Variants in KIAA0319L observed in about 807,000 individuals in gnomAD.
KIAA0319L encodes KIAA0319 like.
In KIAA0319L, 55 loss-of-function variants were observed where a neutral mutation model predicts 120.1. The observed-to-expected ratio is 0.46, with a 90% CI of 0.37 to 0.57. The LOEUF (loss-of-function observed/expected upper bound fraction) is 0.57, where lower values mean the gene tolerates loss of function less well. KIAA0319L is among the 20% of genes least tolerant of loss of function. KIAA0319L has a pLI of 0.00. For missense variants in KIAA0319L, 1,049 were observed against 1,255.3 expected (o/e 0.84, Z 2.48); for synonymous variants, 398 against 471.9 (o/e 0.84, Z 2.03).
At chr1:35,505,268 T>C (rs775279194) in intron 3 of KIAA0319L, among the ~76,000 whole-genome samples, 4 of 152,208 alleles carry the variant, frequency 2.6e-5, no homozygotes, top group Non-Finnish European at 5.9e-5. Context: ...CAGCTTAGTA[T>C]AGTACCTCGC....
Position 35,437,920 on chromosome 1 carries a change from T to C in KIAA0319L, c.2963-2839A>G, listed in dbSNP as rs539815556. On this transcript the variant is annotated intron_variant, in intron 20 of 20. Coordinates refer to ENST00000325722, the MANE Select transcript of KIAA0319L (RefSeq NM_024874.5). This position sits in a 1 kb window ranked among gnomAD's most constrained non-coding sequence, Gnocchi z 4.1. ...TCTGATTCTGTCAACAGCACTATCATTCTCCATCTCTCGGTTGGAAGTCAG... is the reference window on the plus strand; with the variant it reads ...TCTGATTCTGTCAACAGCACTATCACTCTCCATCTCTCGGTTGGAAGTCAG... Among the ~76,000 whole-genome samples the C allele has an allele frequency of 5.6e-4, 86 of 152,288 alleles. No homozygotes were observed. The Middle Eastern group carries it at 0.01, about 18-fold the overall frequency.
chr1:35,472,092 A>T (rs1216460505), intron 5 of KIAA0319L, among the ~76,000 whole-genome samples: 1 of 152,246 alleles, frequency 6.6e-6, no homozygotes, highest in Non-Finnish European at 1.5e-5. Flanking sequence ...TGTAGAAAAC[A>T]GTTTGGGAAC....
intron 1 of KIAA0319L, among the ~76,000 whole-genome samples, chr1:35,555,144 T>C (rs998337377): frequency 5.9e-5 from 9 of 152,172 alleles, no homozygotes; most frequent in African/African-American, 1.9e-4. Context: ...CTCCAGAATC[T>C]AGGGGCTGGA....
chr1:35,461,882 A>G (rs1238576696), intron 8 of KIAA0319L, among the ~76,000 whole-genome samples: 1 of 152,110 alleles, frequency 6.6e-6, no homozygotes, highest in African/African-American at 2.4e-5. Flanking sequence ...TAACCTTGTT[A>G]GAGGGTCCTC....
chr1:35,520,093 TTTTTC>T (rs570402598), intron 2 of KIAA0319L, among the ~76,000 whole-genome samples: 2,544 of 151,952 alleles, frequency 0.017, 51 homozygotes, highest in African/African-American at 0.058. Context: ...CAAATCTTCT[TTTTTC>T]TTTTCTTTTC....
rs1407995303 is a variant in KIAA0319L, at chr1:35,434,991, T to C, written c.3053A>G (p.Asp1018Gly). Residue 1018 changes from aspartate (D) to glycine (G), a missense_variant, in exon 21 of 21, where the codon GAC becomes GGC. Physicochemically the swap from Asp to Gly is moderately conservative, Grantham distance 94 (BLOSUM62 -1). Transcript: ENST00000325722. ...ATGCAGGAGTTTGCCCTTCTCTCGGTCTGGCCATGTAAAGATGGCATCATC... is the reference window on the plus strand; with the variant it reads ...ATGCAGGAGTTTGCCCTTCTCTCGGCCTGGCCATGTAAAGATGGCATCATC... ...DSDDAIFTWP[D>G]REKGKLLHGQ... 6.2e-7 allele frequency: 1 copy of C among 1,614,194 alleles called. No homozygotes were observed. Among genetic ancestry groups the C allele is most frequent in the Admixed American group, 1.7e-5 (1 of 60,026 alleles).
intron 3 of KIAA0319L, among the ~76,000 whole-genome samples, chr1:35,483,217 C>T (rs910697201): frequency 2.0e-5 from 3 of 152,136 alleles, no homozygotes; most frequent in Non-Finnish European, 4.4e-5. Flanking sequence ...TTAGTGTTAG[C>T]TTTTCATTAA....
In KIAA0319L at chr1:35,467,633, G is replaced by A. The variant is rs373767951; in HGVS notation, c.1114-938C>T. ...AAATCAAGGTATCAAACTTTCTATT[G>A]TTCTTTCTTCCATTCATTTAGCATG... On this transcript the variant is annotated intron_variant, in intron 6 of 20. Coordinates refer to ENST00000325722, the MANE Select transcript of KIAA0319L (RefSeq NM_024874.5). Among the ~76,000 whole-genome samples, 205 of 151,524 alleles carry A rather than the reference G, an allele frequency of 1.4e-3. 3 individuals carry two copies. In the Middle Eastern group the frequency reaches 0.014, roughly 10 times the overall value.
intron 16 of KIAA0319L, among the ~76,000 whole-genome samples, chr1:35,447,161 A>T (rs1268880610): frequency 6.6e-6 from 1 of 151,966 alleles, no homozygotes; most frequent in Non-Finnish European, 1.5e-5. Context: ...GGACTAGTCC[A>T]GAAGCTTCCT....
chr1:35,493,422 AAAAAT>A (rs780995201), intron 3 of KIAA0319L, among the ~76,000 whole-genome samples: 152 of 152,208 alleles, frequency 1.0e-3, no homozygotes, highest in Admixed American at 3.5e-3. Context: ...GCAAAAAAAT[AAAAAT>A]AAAGATGTGC....
intron 2 of KIAA0319L, among the ~76,000 whole-genome samples, chr1:35,543,729 C>A (rs1029964187): frequency 2.0e-5 from 3 of 151,826 alleles, no homozygotes; most frequent in African/African-American, 7.3e-5. Context: ...ACAACAACAA[C>A]AAAAAAAGGC....
intron 3 of KIAA0319L, among the ~76,000 whole-genome samples, chr1:35,484,815 T>TTTTTA (rs1644321418): frequency 7.2e-6 from 1 of 139,644 alleles, no homozygotes; most frequent in South Asian, 2.2e-4. Context: ...TATTTTTTTT[T>TTTTTA]TTATTATACT....
intron 2 of KIAA0319L, among the ~76,000 whole-genome samples, chr1:35,528,363 CTCT>C (rs1381544200): frequency 1.3e-5 from 2 of 152,272 alleles, no homozygotes; most frequent in South Asian, 2.1e-4. Context: ...AGAAATTTAT[CTCT>C]TCTTTTTTCA....
intron 3 of KIAA0319L, among the ~76,000 whole-genome samples, chr1:35,495,863 CAA>C (rs200064916): frequency 5.9e-5 from 4 of 68,146 alleles, no homozygotes; most frequent in Non-Finnish European, 1.2e-4. Flanking sequence ...TAACACTCTA[CAA>C]AAAAAAAAAA....
rs1402387989 is a variant in KIAA0319L at position 35,451,764 on chromosome 1, C to T, written c.1926G>A (p.Gly642=). 2 of 1,614,004 alleles carry T rather than the reference C, an allele frequency of 1.2e-6. No homozygotes were observed. Among genetic ancestry groups the T allele is most frequent in the Non-Finnish European group, 1.7e-6 (2 of 1,179,938 alleles). ...YLWEKTQGPD[G]VQLENANSSV... ...TGCTGTTAGCATTCTCGAGCTGCAC[C>T]CCATCAGGTCCCCTGCAAAAAAAGA... is the stretch of plus-strand genomic sequence containing the variant. Residue 642 remains glycine, a synonymous_variant, in exon 13 of 21, where the codon GGG becomes GGA. Transcript: ENST00000325722.
intron 3 of KIAA0319L, among the ~76,000 whole-genome samples, chr1:35,499,548 G>A (rs1226012959): frequency 6.6e-6 from 1 of 152,074 alleles, no homozygotes; most frequent in African/African-American, 2.4e-5. Flanking sequence ...CCAGTTTATG[G>A]TATTGTTACA....
At chr1:35,521,047 T>C (rs1366867204) in intron 2 of KIAA0319L, among the ~76,000 whole-genome samples, 2 of 152,172 alleles carry the variant, frequency 1.3e-5, no homozygotes, top group Non-Finnish European at 2.9e-5. Flanking sequence ...ACTGGTTAAA[T>C]AAATTACAGA....
At chr1:35,451,272 G>A (rs1304626321) in intron 13 of KIAA0319L, among the ~76,000 whole-genome samples, 1 of 152,148 alleles carries the variant, frequency 6.6e-6, no homozygotes, top group Non-Finnish European at 1.5e-5. Context: ...CAGGAGTCAC[G>A]GCCCAGGTCT....
At chr1:35,502,285 A>G (rs1221034269) in intron 3 of KIAA0319L, among the ~76,000 whole-genome samples, 1 of 152,026 alleles carries the variant, frequency 6.6e-6, no homozygotes, top group African/African-American at 2.4e-5. Context: ...AGAAAAAAAA[A>G]AAAAGAAAAA....
Sources: allele counts gnomAD v4.1 joint callset (sites outside exome capture counted in the v4.1 genomes callset), GRCh38; gene constraint gnomAD v4.1.1; non-coding constraint Gnocchi (gnomAD v3.1); transcripts MANE v1.5; gene names NCBI Gene and HGNC (gene_info 2026-07-23, HGNC 2026-07-21).